The following LRRTM4 variants were observed in gnomAD, a reference collection of about 807,000 sequenced individuals.
LRRTM4 encodes the protein leucine rich repeat transmembrane neuronal 4.
In LRRTM4, 25 loss-of-function variants were observed where a neutral mutation model predicts 47.6. That is an observed-to-expected ratio of 0.53 (90% CI 0.38 to 0.73). The LOEUF is 0.73. Among genes scored for constraint, LRRTM4 ranks in the 30% least tolerant of loss-of-function variants. The pLI is 0.00. For synonymous variants in LRRTM4, 311 were observed against 269.5 expected, an observed-to-expected ratio of 1.15 and a Z score of -1.51; for missense variants, 638 against 713.4, an observed-to-expected ratio of 0.89 and a Z score of 1.20.
At chr2:76,797,751 A>T (rs1387307373) in intron 3 of LRRTM4, among the ~76,000 whole-genome samples, 3 of 151,200 alleles carry the variant, frequency 2.0e-5, no homozygotes, top group Non-Finnish European at 4.4e-5. Flanking sequence ...CATAGGCTCA[A>T]AATAAAAGGA....
At chr2:76,908,430 C>A (rs1363495681) in intron 3 of LRRTM4, among the ~76,000 whole-genome samples, 1 of 151,148 alleles carries the variant, frequency 6.6e-6, no homozygotes. Context: ...TGAAAACTGG[C>A]ACAAGACAGG....
chr2:77,392,100 T>A (rs1308712696), intron 3 of LRRTM4, among the ~76,000 whole-genome samples: 3 of 152,096 alleles, frequency 2.0e-5, no homozygotes, highest in Non-Finnish European at 4.4e-5. Flanking sequence ...AAAAGACATT[T>A]ACATCTATTC....
intron 3 of LRRTM4, among the ~76,000 whole-genome samples, chr2:77,378,093 T>C (rs167057): frequency 0.41 from 62,413 of 151,712 alleles, 13,172 homozygotes; most frequent in East Asian, 0.66. Context: ...ATTTTTAAAA[T>C]TGTATCTGTA....
intron 3 of LRRTM4, among the ~76,000 whole-genome samples, chr2:77,322,671 T>C (rs1677829630): frequency 6.6e-6 from 1 of 151,484 alleles, no homozygotes; most frequent in South Asian, 2.1e-4. Flanking sequence ...ACAGATCCAA[T>C]ATCAGTAAGC....
intron 3 of LRRTM4, among the ~76,000 whole-genome samples, chr2:76,967,891 A>C (rs1191097174): frequency 6.6e-6 from 1 of 151,396 alleles, no homozygotes; most frequent in Non-Finnish European, 1.5e-5. Flanking sequence ...AATGGGCTTG[A>C]AGTGAACAGA....
chr2:76,941,582 G>A (rs1302129587), intron 3 of LRRTM4, among the ~76,000 whole-genome samples: 1 of 151,178 alleles, frequency 6.6e-6, no homozygotes, highest in African/African-American at 2.4e-5. Context: ...TTTTGTTCCT[G>A]TTTTAGTTTG....
At chr2:77,240,259 A>G (rs1403868342) in intron 3 of LRRTM4, among the ~76,000 whole-genome samples, 1 of 151,950 alleles carries the variant, frequency 6.6e-6, no homozygotes, top group African/African-American at 2.4e-5. Context: ...TAATATATCA[A>G]AATTAGTGGA....
chr2:76,826,094 G>A (rs1020086920), intron 3 of LRRTM4, among the ~76,000 whole-genome samples: 7 of 151,672 alleles, frequency 4.6e-5, no homozygotes, highest in South Asian at 2.1e-4. Flanking sequence ...TAAGGAAGGC[G>A]AGATTGTATA....
At chr2:77,323,668 G>C (rs753287243) in intron 3 of LRRTM4, among the ~76,000 whole-genome samples, 7 of 152,100 alleles carry the variant, frequency 4.6e-5, no homozygotes, top group Non-Finnish European at 8.8e-5. Context: ...ATTTGGAGAG[G>C]TTAAATGGCT....
At chr2:77,358,793 G>A (rs1027496979) in intron 3 of LRRTM4, among the ~76,000 whole-genome samples, 2 of 152,060 alleles carry the variant, frequency 1.3e-5, no homozygotes, top group African/African-American at 4.8e-5. Flanking sequence ...AATTAAAAAT[G>A]CATTTTCTTA....
chr2:77,159,795 CT>C (rs1332683672), intron 3 of LRRTM4, among the ~76,000 whole-genome samples: 1 of 151,914 alleles, frequency 6.6e-6, no homozygotes, highest in Non-Finnish European at 1.5e-5. Context: ...GACTTTTTTG[CT>C]TTTTAAAATT....
chr2:76,856,250 C>T (rs1322494564), intron 3 of LRRTM4, among the ~76,000 whole-genome samples: 3 of 151,800 alleles, frequency 2.0e-5, no homozygotes, highest in Admixed American at 2.0e-4. Flanking sequence ...GCACTCCAGC[C>T]TAGGTGACAG....
intron 3 of LRRTM4, among the ~76,000 whole-genome samples, chr2:77,507,571 A>T (rs1678822974): frequency 6.6e-6 from 1 of 152,158 alleles, no homozygotes; most frequent in African/African-American, 2.4e-5. Flanking sequence ...ATTTATATTT[A>T]AATTTTAAAT....
chr2:76,806,175 A>G (rs1290222828), intron 3 of LRRTM4, among the ~76,000 whole-genome samples: 2 of 152,212 alleles, frequency 1.3e-5, no homozygotes, highest in Middle Eastern at 3.2e-3. Context: ...ATGAGTGGGA[A>G]AGGGCTTTAT....
chr2:76,796,454 A>G (rs1349428194), intron 3 of LRRTM4, among the ~76,000 whole-genome samples: 5 of 133,234 alleles, frequency 3.8e-5, no homozygotes, highest in African/African-American at 1.5e-4. Context: ...TTCTCCCAGC[A>G]TGCAGCTGGA....
chr2:76,755,777 G>T (rs1673007815), intron 3 of LRRTM4, among the ~76,000 whole-genome samples: 1 of 152,096 alleles, frequency 6.6e-6, no homozygotes, highest in Non-Finnish European at 1.5e-5. Flanking sequence ...ATTAAGGAAA[G>T]CAAGGGCATA....
At chr2:76,896,213 A>AACAC (rs370633581) in intron 3 of LRRTM4, among the ~76,000 whole-genome samples, 2 of 151,000 alleles carry the variant, frequency 1.3e-5, no homozygotes, top group African/African-American at 2.4e-5. Flanking sequence ...CACACACACA[A>AACAC]ACACACACAC....
chr2:77,189,110 TA>T (rs143237081), intron 3 of LRRTM4, among the ~76,000 whole-genome samples: 6,009 of 148,168 alleles, frequency 0.041, 299 homozygotes, highest in African/African-American at 0.12. Flanking sequence ...AAATTTCAAA[TA>T]AAAAAAAAAC....
chr2:77,381,203 C>T (rs1013681740), intron 3 of LRRTM4, among the ~76,000 whole-genome samples: 1 of 151,936 alleles, frequency 6.6e-6, no homozygotes, highest in Admixed American at 6.6e-5. Flanking sequence ...TATAAACTAC[C>T]TCTTTGTAAT....
Sources: allele counts gnomAD v4.1 joint callset (sites outside exome capture counted in the v4.1 genomes callset), GRCh38; gene constraint gnomAD v4.1.1; transcripts MANE v1.5; gene names NCBI Gene and HGNC (gene_info 2026-07-23, HGNC 2026-07-21).